SRP54: variants seen among roughly 807,000 people sequenced by gnomAD.
The protein encoded by SRP54 is signal recognition particle 54.
In SRP54, 10 loss-of-function variants were observed where a neutral mutation model predicts 64.8. That is an observed-to-expected ratio of 0.15 (90% confidence interval 0.10 to 0.26). SRP54 has a LOEUF of 0.26. SRP54 is among the 10% of genes least tolerant of loss of function. The pLI is 1.00. For synonymous variants in SRP54, 193 were observed against 185.6 expected (o/e 1.04, Z -0.32); for missense variants, 325 against 613.7 (o/e 0.53, Z 4.97).
Position 34,988,541 on chromosome 14 carries a change from ACAGAGTGAGACTC to A in SRP54, c.-34+5329_-34+5341del, listed in dbSNP as rs746737493. Among the ~76,000 whole-genome samples the A allele has an allele frequency of 3.7e-4, 48 of 130,932 alleles. 1 individual carries two copies. Among genetic ancestry groups the A allele is most frequent in the Non-Finnish European group, 6.5e-4 (40 of 61,120 alleles). The allele number at this position is 130,932 out of a possible 152,430, so 85.9% of individuals were successfully genotyped here. ...CACACCACTGCACTCCAGCCTGGCG[ACAGAGTGAGACTC>A]CATCTCAAAAAAAAAAAAAAAAAAA... On this transcript the variant is annotated intron_variant, in intron 1 of 15. Transcript: ENST00000216774.
At chr14:35,011,381 T>G in intron 7 of SRP54, 128 bp from the exon 8 acceptor site, 1 of 591,228 alleles carries the variant, frequency 1.7e-6, no homozygotes, top group Non-Finnish European at 2.7e-6. Context: ...TTATAGATTT[T>G]CCTCTTCTAA....
At chr14:35,026,406 G>GT (rs768574780) in intron 14 of SRP54, among the ~76,000 whole-genome samples, 62 of 150,968 alleles carry the variant, frequency 4.1e-4, no homozygotes, top group Admixed American at 6.6e-4. Flanking sequence ...GCTTTTTTTT[G>GT]TTTTTTTTGT....
intron 15 of SRP54, among the ~76,000 whole-genome samples, chr14:35,028,425 G>A (rs948729618): frequency 1.3e-5 from 2 of 152,076 alleles, no homozygotes; most frequent in Admixed American, 1.3e-4. Context: ...TCTTTTGTTT[G>A]TTCTGGTGAC....
At chr14:35,002,676 C>G (rs2044194123) in intron 4 of SRP54, among the ~76,000 whole-genome samples, 1 of 149,176 alleles carries the variant, frequency 6.7e-6, no homozygotes, top group Non-Finnish European at 1.5e-5. Context: ...ACCTAGTGAT[C>G]TGCCTGCCTT....
intron 10 of SRP54, 139 bp from the exon 11 acceptor site, chr14:35,014,605 G>T: frequency 1.6e-6 from 1 of 642,162 alleles, no homozygotes; most frequent in South Asian, 2.1e-5. Context: ...CTTAGCTTTG[G>T]TTTTCTCATT....
At chr14:34,997,306 C>A (rs963178907) in intron 2 of SRP54, among the ~76,000 whole-genome samples, 11 of 152,208 alleles carry the variant, frequency 7.2e-5, no homozygotes, top group Middle Eastern at 3.4e-3. Flanking sequence ...AAATACTTTT[C>A]TTCCCGGCTA....
At chr14:34,994,173 A>G (rs951995045) in intron 1 of SRP54, among the ~76,000 whole-genome samples, 16 of 149,492 alleles carry the variant, frequency 1.1e-4, no homozygotes, top group African/African-American at 2.0e-4. Flanking sequence ...TTTTTTTTGT[A>G]TTTTTAGTAG....
rs189833395 is a variant in SRP54 at position 35,006,118 on chromosome 14, C to G, written c.256-1165C>G. Among the ~76,000 whole-genome samples the G allele has an allele frequency of 1.1e-3, 173 of 152,226 alleles. 2 individuals are homozygous for G. In the East Asian group the frequency reaches 0.027, roughly 24 times the overall value. On this transcript the variant is annotated intron_variant, in intron 4 of 15. Coordinates refer to ENST00000216774, the MANE Select transcript of SRP54 (RefSeq NM_003136.4). ...CCTCCCAAAGTGCTGGGATTACAGGCATGAGCCACCGCGCCCGGCCCTAAA... is the reference window on the plus strand; with the variant it reads ...CCTCCCAAAGTGCTGGGATTACAGGGATGAGCCACCGCGCCCGGCCCTAAA...
chr14:35,005,068 A>T (rs1412397197), intron 4 of SRP54, among the ~76,000 whole-genome samples: 1 of 152,232 alleles, frequency 6.6e-6, no homozygotes, highest in African/African-American at 2.4e-5. Context: ...ACAGTGGCTT[A>T]TACCTGTAAT....
chr14:35,010,269 G>A (rs1481452021), intron 7 of SRP54, among the ~76,000 whole-genome samples: 1 of 151,970 alleles, frequency 6.6e-6, no homozygotes, highest in East Asian at 1.9e-4. Flanking sequence ...CCAACATGGA[G>A]AAAGCCCGTT....
At chr14:34,990,765 A>G (rs2043964185) in intron 1 of SRP54, among the ~76,000 whole-genome samples, 1 of 152,246 alleles carries the variant, frequency 6.6e-6, no homozygotes. Flanking sequence ...CTTGTTGGAA[A>G]TGCATGGCAG....
intron 7 of SRP54, among the ~76,000 whole-genome samples, chr14:35,010,820 T>C (rs2044345035): frequency 6.6e-6 from 1 of 152,026 alleles, no homozygotes; most frequent in Admixed American, 6.6e-5. Context: ...AAACGTCAAA[T>C]GTCTAATAGT....
At chr14:34,994,243 C>T (rs1057190838) in intron 1 of SRP54, among the ~76,000 whole-genome samples, 1 of 152,176 alleles carries the variant, frequency 6.6e-6, no homozygotes, top group African/African-American at 2.4e-5. Context: ...AGATGATCCA[C>T]CCACCTCGGC....
At chr14:35,023,778 C>T (rs1026204833) in intron 14 of SRP54, among the ~76,000 whole-genome samples, 7 of 128,318 alleles carry the variant, frequency 5.5e-5, no homozygotes, top group African/African-American at 1.8e-4. Flanking sequence ...AGTGAGACTC[C>T]GGTCCCCAAA....
chr14:34,995,017 A>C (rs1292781951), intron 1 of SRP54, among the ~76,000 whole-genome samples: 1 of 144,622 alleles, frequency 6.9e-6, no homozygotes, highest in Non-Finnish European at 1.5e-5. Context: ...CCTGAGCCCA[A>C]GTGATCCTCC....
intron 14 of SRP54, chr14:35,027,763 A>G (rs562374550): frequency 6.3e-6 from 1 of 158,998 alleles, no homozygotes; most frequent in African/African-American, 2.4e-5. Flanking sequence ...CTCAAAATAA[A>G]TAAAAAATAA....
rs746403621 is a variant in SRP54 at position 35,013,833 on chromosome 14, A to T, written c.817A>T (p.Ile273Phe). The part of the protein sequence containing the change: ...VAATKSPIIF[I>F]GTGEHIDDFE... ...TGCCACAAAAAGTCCGATTATTTTC[A>T]TTGGTACAGGGGAACATATAGATGA... The change falls in exon 10 of 16, where the codon ATT (isoleucine) becomes TTT (phenylalanine). Residue 273 changes from isoleucine (I) to phenylalanine (F), a missense_variant. This residue lies in a region of SRP54 where 146 missense variants were observed against 337.4 expected (regional missense o/e 0.43). Transcript: ENST00000216774. 1 of 1,611,416 alleles carries T rather than the reference A, an allele frequency of 6.2e-7. No individual in the cohort carries two copies. Among genetic ancestry groups the T allele is most frequent in the South Asian group, 1.1e-5 (1 of 89,928 alleles).
At position 35,023,787 on chromosome 14, in the gene SRP54, A is replaced by AACACACACACAC. The variant is rs57037784; in HGVS notation, c.1327+732_1327+743dup. ...CAGCAGAGTGAGACTCCGGTCCCCA[A>AACACACACACAC]ACACACACACACACACACACACACA... On this transcript the variant is annotated intron_variant, in intron 14 of 15. Coordinates refer to ENST00000216774, the MANE Select transcript of SRP54 (RefSeq NM_003136.4). Among the ~76,000 whole-genome samples, 878 of 140,360 alleles carry AACACACACACAC rather than the reference A, an allele frequency of 6.3e-3. 7 individuals carry two copies. Among genetic ancestry groups the AACACACACACAC allele is most frequent in the African/African-American group, 9.9e-3 (374 of 37,652 alleles). The allele number at this position is 140,360 out of a possible 152,430, so 92.1% of individuals were successfully genotyped here.
intron 2 of SRP54, 178 bp downstream of exon 2, chr14:34,996,965 A>T (rs989351065): frequency 4.7e-6 from 2 of 423,712 alleles, no homozygotes; most frequent in Non-Finnish European, 8.3e-6. Flanking sequence ...CTACAACTTC[A>T]AATTTACTTC....
Sources: allele counts gnomAD v4.1 joint callset (sites outside exome capture counted in the v4.1 genomes callset), GRCh38; gene constraint gnomAD v4.1.1; regional missense constraint gnomAD v4.1.1; transcripts MANE v1.5; gene names NCBI Gene and HGNC (gene_info 2026-07-23, HGNC 2026-07-21).